The following ST14 variants were observed in gnomAD, a reference collection of about 807,000 sequenced individuals.
ST14 encodes suppressor of tumorigenicity 14 protein.
In ST14, 40 loss-of-function variants were observed where a neutral mutation model predicts 96.5. The observed-to-expected ratio is 0.41, with a 90% CI of 0.32 to 0.54. The LOEUF is 0.54. Among genes scored for constraint, ST14 ranks in the 20% least tolerant of loss-of-function variants. ST14 has a pLI of 0.17. For missense variants in ST14, 1,066 were observed against 1,188.9 expected (o/e 0.90, Z 1.52); for synonymous variants, 506 against 492.1 (o/e 1.03, Z -0.37).
intron 11 of ST14, 44 bp downstream of exon 11, chr11:130,196,744 C>A (rs763117613): frequency 6.2e-7 from 1 of 1,613,896 alleles, no homozygotes; most frequent in Non-Finnish European, 8.5e-7. Context: ...GGGCCTGCAC[C>A]GCATGTTCTG....
chr11:130,192,840 T>C (rs775887794), intron 7 of ST14, among the ~76,000 whole-genome samples: 29 of 152,194 alleles, frequency 1.9e-4, no homozygotes, highest in Non-Finnish European at 3.5e-4. Flanking sequence ...CTCTCAGGGT[T>C]TTTATAAGGT....
intron 16 of ST14, among the ~76,000 whole-genome samples, chr11:130,203,925 A>G (rs1269195667): frequency 1.3e-5 from 2 of 152,142 alleles, no homozygotes; most frequent in African/African-American, 4.8e-5. Flanking sequence ...AAGTGCTGGG[A>G]TTATAAGGTG....
In ST14 at chr11:130,196,683, C is replaced by G. The variant is rs767937439; in HGVS notation, c.1337C>G (p.Ser446Cys). ...ACCGGCTTCTTAGCTGAATACCTCT[C>G]CTACGACTCCAGTGACCGTGAGTGA... ...TDTGFLAEYLSYDSSDPCPGQ... is the reference protein window; with the variant it reads ...TDTGFLAEYLCYDSSDPCPGQ... The change falls in exon 11 of 19, where the codon TCC (serine) becomes TGC (cysteine). Residue 446 changes from serine (S) to cysteine (C), a missense_variant. Ser to Cys is a moderately radical substitution (Grantham distance 112). Transcript: ENST00000278742. 6.2e-7 allele frequency: 1 copy of G among 1,614,254 alleles called. No homozygotes were observed. Among genetic ancestry groups the G allele is most frequent in the South Asian group, 1.1e-5 (1 of 91,082 alleles).
chr11:130,189,932 C>T, intron 5 of ST14, 36 bp downstream of exon 5: 1 of 1,613,400 alleles, frequency 6.2e-7, no homozygotes, highest in Non-Finnish European at 8.5e-7. Flanking sequence ...GTGGGACTGG[C>T]CAGCCTTCCA....
At chr11:130,198,054 G>A (rs1211210315) in intron 12 of ST14, 109 bp downstream of exon 12, 45 of 1,215,180 alleles carry the variant, frequency 3.7e-5, no homozygotes, top group Non-Finnish European at 4.8e-5. Flanking sequence ...GGTGGTGGGA[G>A]TTTTTGCTCT....
rs144170468 is a variant in ST14, at chr11:130,190,659, C to T, written c.840C>T (p.Asn280=). 4.9e-4 allele frequency: 790 copies of T among 1,602,468 alleles called. 3 individuals are homozygous for T. The African/African-American group carries it at 9.3e-3, about 19-fold the overall frequency. Residue 280 remains asparagine, a synonymous_variant, in exon 7 of 19, where the codon AAC becomes AAT. Coordinates refer to ENST00000278742, the MANE Select transcript of ST14 (RefSeq NM_021978.4). ...ERGSDLVTVY[N]TLSPMEPHAL... ...GCAGCGACCTGGTGACGGTGTACAA[C>T]ACCCTGAGCCCCATGGAGCCCCACG...
intron 1 of ST14, among the ~76,000 whole-genome samples, chr11:130,184,965 T>G (rs1301809217): frequency 6.6e-6 from 1 of 152,158 alleles, no homozygotes; most frequent in South Asian, 2.1e-4. Flanking sequence ...AAAAAATCTG[T>G]TTAGCCACTC....
chr11:130,196,559 C>CT lies in ST14; in HGVS notation c.1224-11_1224-10insT, dbSNP rs770524936. On this transcript the variant is annotated splice_polypyrimidine_tract_variant and intron_variant, in intron 10 of 18. Transcript: ENST00000278742. ...TGTCCCTCCTCACCTTGTGCCCCGC[C>CT]CCCCCTCCAGATACTGCGGAGAGAG... 3.8e-5 allele frequency: 61 copies of CT among 1,609,398 alleles called. No homozygotes were observed. In the East Asian group the frequency reaches 6.9e-4, roughly 18 times the overall value.
chr11:130,200,607 T>C (rs1953417963), intron 16 of ST14, among the ~76,000 whole-genome samples: 1 of 152,178 alleles, frequency 6.6e-6, no homozygotes, highest in Non-Finnish European at 1.5e-5. Flanking sequence ...GGATCCCATT[T>C]CAACATGAGA....
At chr11:130,165,272 T>G (rs1028324659) in intron 1 of ST14, among the ~76,000 whole-genome samples, 2 of 152,198 alleles carry the variant, frequency 1.3e-5, no homozygotes, top group African/African-American at 4.8e-5. Flanking sequence ...GGTAAGAAAC[T>G]GGATTTCTCT....
rs1188721085 is a variant in ST14 at position 130,209,886 on chromosome 11, G to A, written c.*63G>A. The A allele has an allele frequency of 5.0e-6, 8 of 1,591,018 alleles. No homozygotes were observed. The highest frequency in any genetic ancestry group is 2.2e-5 in the East Asian group (1 of 44,718). On this transcript the variant is annotated 3_prime_UTR_variant, in exon 19 of 19. Transcript: ENST00000278742. ...ACCCATCGTCCACCCCAGTGTGCAC[G>A]CCTGCAGGCTGGAGACTGGACCGCT... is the stretch of plus-strand genomic sequence containing the variant.
chr11:130,186,370 G>C (rs529306992), intron 1 of ST14, among the ~76,000 whole-genome samples: 1 of 152,286 alleles, frequency 6.6e-6, no homozygotes, highest in South Asian at 2.1e-4. Flanking sequence ...GAGTTTTAAC[G>C]CAGAAGGAGA....
Position 130,194,131 on chromosome 11 carries a change from C to T in ST14, c.876-18C>T, listed in dbSNP as rs371152675. 100 of 1,614,156 alleles carry T rather than the reference C, an allele frequency of 6.2e-5. No individual in the cohort carries two copies. The highest frequency in any genetic ancestry group is 8.1e-5 in the Non-Finnish European group (95 of 1,180,022). On this transcript the variant is annotated intron_variant, in intron 7 of 18. Coordinates refer to ENST00000278742, the MANE Select transcript of ST14 (RefSeq NM_021978.4). ...GGTTCTGTCTGCTCTTCCTAATGCC[C>T]GCCCTCTGCCCCCACAGGTTGTGTG... is the stretch of plus-strand genomic sequence containing the variant.
intron 1 of ST14, 58 bp downstream of exon 1, chr11:130,160,118 G>C: frequency 8.2e-7 from 1 of 1,225,668 alleles, no homozygotes; most frequent in South Asian, 2.1e-5. Context: ...CGACCCTGCA[G>C]CGCGGCGCTG....
chr11:130,209,439 C>T lies in ST14; in HGVS notation c.2270-3C>T, dbSNP rs372757793. ...TCTCAGCCCCGTCCTGCCCTCTCCC[C>T]AGGCACTGGCGCGCTGATCCTGCAA... On this transcript the variant is annotated splice_region_variant and splice_polypyrimidine_tract_variant and intron_variant, in intron 17 of 18. Coordinates refer to ENST00000278742, the MANE Select transcript of ST14 (RefSeq NM_021978.4). 1.9e-6 allele frequency: 3 copies of T among 1,579,886 alleles called. No homozygotes were observed. The highest frequency in any genetic ancestry group is 2.6e-6 in the Non-Finnish European group (3 of 1,163,036).
At chr11:130,197,784 A>G (rs1953382766) in intron 11 of ST14, 57 bp from the exon 12 acceptor site, 1 of 1,433,576 alleles carries the variant, frequency 7.0e-7, no homozygotes, top group East Asian at 2.5e-5. Flanking sequence ...GGGAGCCGGG[A>G]GCCAGCGGAG....
intron 7 of ST14, among the ~76,000 whole-genome samples, chr11:130,193,307 C>T (rs1018480845): frequency 6.6e-6 from 1 of 152,040 alleles, no homozygotes; most frequent in Non-Finnish European, 1.5e-5. Context: ...AAACTCCTGG[C>T]CTCAAGCAAT....
At chr11:130,191,514 AC>A (rs1198292159) in intron 7 of ST14, among the ~76,000 whole-genome samples, 1 of 151,392 alleles carries the variant, frequency 6.6e-6, no homozygotes, top group Non-Finnish European at 1.5e-5. Flanking sequence ...ACCTGGTGAA[AC>A]CCTGTCTCTA....
At chr11:130,165,925 C>T in intron 1 of ST14, among the ~76,000 whole-genome samples, 1 of 152,162 alleles carries the variant, frequency 6.6e-6, no homozygotes, top group East Asian at 1.9e-4. Flanking sequence ...AAATTGTGTT[C>T]CTGAGATGAT....
Sources: gnomAD v4.1 joint callset for allele counts (sites outside exome capture counted in the v4.1 genomes callset) on GRCh38, gnomAD v4.1.1 for gene constraint, MANE v1.5 for transcripts, NCBI Gene and HGNC (gene_info 2026-07-23, HGNC 2026-07-21) for gene names.